HDAC9: variants seen among roughly 807,000 people sequenced by gnomAD.
HDAC9 encodes the protein histone deacetylase 9.
Under a neutral mutation model 139.4 loss-of-function variants are expected in HDAC9, and 41 were observed. The observed-to-expected ratio is 0.29, with a 90% confidence interval of 0.23 to 0.38. HDAC9 has a LOEUF of 0.38. HDAC9 is among the 10% of genes least tolerant of loss of function. The pLI, the probability that HDAC9 is intolerant of heterozygous loss-of-function variation, is 1.00. For missense variants in HDAC9, 1,147 were observed against 1,297.0 expected (o/e 0.88, Z 1.78); for synonymous variants, 517 against 476.2 (o/e 1.09, Z -1.12).
chr7:18,275,356 C>T (rs576215264), intron 2 of HDAC9, among the ~76,000 whole-genome samples: 1 of 152,184 alleles, frequency 6.6e-6, no homozygotes, highest in Admixed American at 6.5e-5. Flanking sequence ...TAATTGGCCT[C>T]TCAGCTTTCA....
rs1809842245 is a variant in HDAC9, at chr7:18,533,687, T to C, written c.22+37363T>C. ...GGTTATTCTATGGCCTCTTTCACCT[T>C]GGAGGCTTATGTTTTCAGTATTTAG... On this transcript the variant is annotated intron_variant, in intron 2 of 25. Transcript: ENST00000686413. Among the ~76,000 whole-genome samples, 6 of 152,186 alleles carry C rather than the reference T, an allele frequency of 3.9e-5. No individual in the cohort carries two copies. In the South Asian group the frequency reaches 1.2e-3, roughly 32 times the overall value.
At chr7:18,969,291 C>T (rs935354574) in intron 24 of HDAC9, among the ~76,000 whole-genome samples, 1 of 152,092 alleles carries the variant, frequency 6.6e-6, no homozygotes, top group African/African-American at 2.4e-5. Context: ...CAAACAGAGA[C>T]ATCAAAATGG....
intron 22 of HDAC9, among the ~76,000 whole-genome samples, chr7:18,877,459 G>C (rs1029922776): frequency 1.6e-4 from 25 of 152,120 alleles, no homozygotes; most frequent in Admixed American, 1.6e-3. Context: ...GTAGGAACAA[G>C]ATACACAACC....
chr7:18,737,878 T>A (rs930835031), intron 13 of HDAC9, among the ~76,000 whole-genome samples: 6 of 152,196 alleles, frequency 3.9e-5, no homozygotes, highest in African/African-American at 1.2e-4. Context: ...CTCCCATTAT[T>A]ATTGTGTGGG....
intron 11 of HDAC9, among the ~76,000 whole-genome samples, chr7:18,660,390 G>C (rs1487382721): frequency 6.6e-6 from 1 of 152,104 alleles, no homozygotes; most frequent in Admixed American, 6.5e-5. Context: ...TGAAAAACGG[G>C]TAGTTATTGC....
chr7:18,704,431 T>G (rs779304053), intron 12 of HDAC9, among the ~76,000 whole-genome samples: 22 of 152,228 alleles, frequency 1.4e-4, no homozygotes, highest in Non-Finnish European at 2.6e-4. Flanking sequence ...AATCCAATTT[T>G]CCTCCCATAT....
At chr7:18,876,520 G>C (rs1799331257) in intron 22 of HDAC9, among the ~76,000 whole-genome samples, 1 of 152,154 alleles carries the variant, frequency 6.6e-6, no homozygotes, top group African/African-American at 2.4e-5. Flanking sequence ...AGTCTAAACA[G>C]ATTGTAGTTG....
At chr7:18,494,939 T>C (rs1796677237), upstream of HDAC9, among the ~76,000 whole-genome samples, 2 of 152,012 alleles carry the variant, frequency 1.3e-5, no homozygotes, top group African/African-American at 4.8e-5. Context: ...TAAGCCACGG[T>C]TTTGTGTTTT....
At chr7:18,283,344 C>T (rs961359203) in intron 2 of HDAC9, among the ~76,000 whole-genome samples, 2 of 152,140 alleles carry the variant, frequency 1.3e-5, no homozygotes, top group Non-Finnish European at 2.9e-5. Flanking sequence ...AAGTCCACCC[C>T]CATAATCCAA....
At chr7:18,394,911 A>G (rs183719853) in intron 1 of HDAC9, among the ~76,000 whole-genome samples, 3 of 152,214 alleles carry the variant, frequency 2.0e-5, no homozygotes, top group East Asian at 3.9e-4. Flanking sequence ...TTAGTTTGAA[A>G]TTTTTCATTT....
chr7:18,398,955 G>C (rs1284067710), intron 1 of HDAC9, among the ~76,000 whole-genome samples: 1 of 151,870 alleles, frequency 6.6e-6, no homozygotes, highest in Non-Finnish European at 1.5e-5. Context: ...AATAATAGTT[G>C]TATTTACCAT....
intron 1 of HDAC9, among the ~76,000 whole-genome samples, chr7:18,375,283 A>T (rs1412666122): frequency 6.6e-6 from 1 of 152,318 alleles, no homozygotes; most frequent in South Asian, 2.1e-4. Flanking sequence ...CAGCCTGACC[A>T]ACATGGTGAA....
chr7:18,124,488 A>G (rs1403388987), intron 1 of HDAC9, among the ~76,000 whole-genome samples: 1 of 152,330 alleles, frequency 6.6e-6, no homozygotes, highest in South Asian at 2.1e-4. Flanking sequence ...TATTTTATGC[A>G]TGGAGGTTAC....
At position 18,610,427 on chromosome 7, in the gene HDAC9, C is replaced by T. The variant is rs1405617; in HGVS notation, c.664+16398C>T. On this transcript the variant is annotated intron_variant, in intron 6 of 25. Coordinates refer to ENST00000686413, the MANE Select transcript of HDAC9 (RefSeq NM_178425.4). Reference sequence around the variant, plus strand: ...CAATAACCCAGAGCAAGCCTAGGCTCACCTTTTCACAGTTTAACAACGATA... The same window carrying T: ...CAATAACCCAGAGCAAGCCTAGGCTTACCTTTTCACAGTTTAACAACGATA... Among the ~76,000 whole-genome samples the T allele has an allele frequency of 6.8e-3, 1,039 of 152,166 alleles. 14 individuals carry two copies. The highest frequency in any genetic ancestry group is 0.024 in the African/African-American group (988 of 41,498).
intron 16 of HDAC9, among the ~76,000 whole-genome samples, chr7:18,779,774 C>T (rs899707883): frequency 6.6e-6 from 1 of 151,984 alleles, no homozygotes; most frequent in Non-Finnish European, 1.5e-5. Flanking sequence ...TGAGTAGATT[C>T]AGGTCTGCAG....
chr7:18,955,369 G>T (rs1418280026), intron 24 of HDAC9, among the ~76,000 whole-genome samples: 2 of 152,086 alleles, frequency 1.3e-5, no homozygotes, highest in Admixed American at 1.3e-4. Flanking sequence ...AAGGAATCTT[G>T]TAGTGATCTT....
chr7:18,732,687 ACACACACACACGTG>A (rs1786241895), intron 13 of HDAC9, among the ~76,000 whole-genome samples: 2 of 112,926 alleles, frequency 1.8e-5, no homozygotes, highest in Non-Finnish European at 3.5e-5. Flanking sequence ...GCGTATGTGT[ACACACACACACGTG>A]TATGTGTGCG....
At chr7:18,587,249 C>G (rs535507197) in intron 3 of HDAC9, among the ~76,000 whole-genome samples, 16 of 152,022 alleles carry the variant, frequency 1.1e-4, no homozygotes, top group African/African-American at 3.6e-4. Flanking sequence ...TTGGCACAAG[C>G]AAAACAATAG....
At chr7:18,545,682 T>G (rs1487287895) in intron 2 of HDAC9, among the ~76,000 whole-genome samples, 1 of 152,136 alleles carries the variant, frequency 6.6e-6, no homozygotes, top group Non-Finnish European at 1.5e-5. Flanking sequence ...GGTGCGAGAA[T>G]GCCAAACAGA....
Sources: gnomAD v4.1 joint callset for allele counts (sites outside exome capture counted in the v4.1 genomes callset) on GRCh38, gnomAD v4.1.1 for gene constraint, MANE v1.5 for transcripts, NCBI Gene and HGNC (gene_info 2026-07-23, HGNC 2026-07-21) for gene names.